Variants in FHL5 observed in about 807,000 individuals in gnomAD.
FHL5 encodes the protein four and a half LIM domains protein 5.
Under a neutral mutation model 32.0 loss-of-function variants are expected in FHL5, and 33 were observed. The observed-to-expected ratio is 1.03, with a 90% CI of 0.78 to 1.38. The LOEUF is 1.38. Ranked by LOEUF, FHL5 falls within the 40% of genes most tolerant of loss-of-function variation. The probability of loss-of-function intolerance (pLI) is 0.00; values close to 1 mark genes in which losing one functional copy is unlikely to be tolerated. For missense variants in FHL5, 336 were observed against 343.9 expected, an observed-to-expected ratio of 0.98 and a Z score of 0.18; for synonymous variants, 114 against 113.6, an observed-to-expected ratio of 1.00 and a Z score of -0.02.
chr6:96,564,322 G>T (rs1770307504), intron 1 of FHL5, among the ~76,000 whole-genome samples: 4 of 152,060 alleles, frequency 2.6e-5, no homozygotes, highest in Admixed American at 2.6e-4. Context: ...TATCATACAA[G>T]ATATTTCTTA....
chr6:96,614,946 A>G (rs1332492896), intron 5 of FHL5, among the ~76,000 whole-genome samples: 1 of 152,228 alleles, frequency 6.6e-6, no homozygotes, highest in Non-Finnish European at 1.5e-5. Flanking sequence ...GCCAGATTCA[A>G]CAAAAGCTGA....
intron 5 of FHL5, among the ~76,000 whole-genome samples, 195 bp downstream of exon 5, chr6:96,610,953 A>G (rs1249792470): frequency 3.9e-5 from 6 of 152,210 alleles, no homozygotes; most frequent in Non-Finnish European, 8.8e-5. Flanking sequence ...CAAGAGTATA[A>G]TTTGGGTGAC....
chr6:96,572,337 C>T (rs1376147833), intron 1 of FHL5, among the ~76,000 whole-genome samples: 1 of 152,110 alleles, frequency 6.6e-6, no homozygotes, highest in Non-Finnish European at 1.5e-5. Flanking sequence ...CTCTGAATAG[C>T]CAAGGTACTG....
At chr6:96,577,707 C>G (rs1562053344) in intron 1 of FHL5, among the ~76,000 whole-genome samples, 2 of 152,164 alleles carry the variant, frequency 1.3e-5, no homozygotes. Context: ...GCTTATGAAG[C>G]TGTTACTTGG....
chr6:96,602,267 G>A (rs1190922710), intron 1 of FHL5, among the ~76,000 whole-genome samples: 1 of 151,738 alleles, frequency 6.6e-6, no homozygotes, highest in Non-Finnish European at 1.5e-5. Flanking sequence ...TTATGTGGGG[G>A]GAGAATTAGA....
intron 1 of FHL5, among the ~76,000 whole-genome samples, chr6:96,574,080 C>T (rs973278450): frequency 2.0e-5 from 3 of 151,928 alleles, no homozygotes; most frequent in African/African-American, 7.3e-5. Flanking sequence ...TATTCTATTT[C>T]ACACTTTTTT....
At chr6:96,613,906 T>C (rs1771463721) in intron 5 of FHL5, among the ~76,000 whole-genome samples, 1 of 152,166 alleles carries the variant, frequency 6.6e-6, no homozygotes, top group African/African-American at 2.4e-5. Context: ...AGAATAGTAA[T>C]TGGCACACAG....
At chr6:96,566,595 G>T (rs1262148091) in intron 1 of FHL5, among the ~76,000 whole-genome samples, 1 of 151,686 alleles carries the variant, frequency 6.6e-6, no homozygotes, top group East Asian at 1.9e-4. Context: ...TCCATAATGG[G>T]CATATATATG....
chr6:96,591,489 G>A (rs985773168), intron 1 of FHL5, among the ~76,000 whole-genome samples: 9 of 151,998 alleles, frequency 5.9e-5, no homozygotes, highest in African/African-American at 9.7e-5. Flanking sequence ...TTATTTTAAC[G>A]TGGGTGGATG....
chr6:96,603,692 C>G lies in FHL5; in HGVS notation c.79C>G (p.Pro27Ala). 6.2e-7 allele frequency: 1 copy of G among 1,610,168 alleles called. No homozygotes were observed. Among genetic ancestry groups the G allele is most frequent in the Non-Finnish European group, 8.5e-7 (1 of 1,176,776 alleles). ...GKKYVLKDDS[P>A]YCVTCYDRVF... ...GAAATATGTACTAAAGGATGACAGT[C>G]CATACTGTGTTACATGTTATGATCG... is the stretch of plus-strand genomic sequence containing the variant. Residue 27 changes from proline (P) to alanine (A), a missense_variant, in exon 2 of 6, where the codon CCA (proline) becomes GCA (alanine). Physicochemically the swap from Pro to Ala is conservative, Grantham distance 27. Coordinates refer to ENST00000450218, the MANE Select transcript of FHL5 (RefSeq NM_001322466.2).
intron 1 of FHL5, among the ~76,000 whole-genome samples, chr6:96,601,616 A>G (rs1771150901): frequency 6.6e-6 from 1 of 152,234 alleles, no homozygotes. Context: ...AAAGCCTCAC[A>G]AAATGGCAGT....
intron 1 of FHL5, among the ~76,000 whole-genome samples, chr6:96,599,483 C>T (rs1771106895): frequency 6.6e-6 from 1 of 152,162 alleles, no homozygotes; most frequent in African/African-American, 2.4e-5. Context: ...GCGTGAGCCA[C>T]AGCACAGCCA....
At chr6:96,564,505 C>T (rs1355354774) in intron 1 of FHL5, among the ~76,000 whole-genome samples, 1 of 152,138 alleles carries the variant, frequency 6.6e-6, no homozygotes, top group African/African-American at 2.4e-5. Context: ...TTTAATATAA[C>T]ACCACCTCAC....
At chr6:96,605,015 C>G in intron 3 of FHL5, 91 bp downstream of exon 3, 1 of 924,596 alleles carries the variant, frequency 1.1e-6, no homozygotes, top group Non-Finnish European at 1.6e-6. Flanking sequence ...GCTCCCAAAA[C>G]CCTGGTTTTG....
At chr6:96,571,197 G>T (rs764599859) in intron 1 of FHL5, among the ~76,000 whole-genome samples, 54 of 152,222 alleles carry the variant, frequency 3.5e-4, no homozygotes, top group Admixed American at 1.4e-3. Context: ...AGTTAGAAAA[G>T]GTGTAGTGAC....
chr6:96,602,587 C>G (rs1022878802), intron 1 of FHL5, among the ~76,000 whole-genome samples: 3 of 151,820 alleles, frequency 2.0e-5, no homozygotes, highest in Admixed American at 2.0e-4. Flanking sequence ...GCTGGGACTA[C>G]AGGCTGTGCA....
Position 96,602,426 on chromosome 6 carries a change from C to CTTCTTTT in FHL5, c.-12-1174_-12-1173insCTTTTTT, listed in dbSNP as rs1771169396. On this transcript the variant is annotated intron_variant, in intron 1 of 5. Transcript: ENST00000450218. ...ACCTGGAAATCTATATGCGTTGTTT[C>CTTCTTTT]TTTTTTTTTTTTTTTTTTTTTTTTT... Among the ~76,000 whole-genome samples the CTTCTTTT allele has an allele frequency of 5.9e-5, 2 of 33,684 alleles. 1 individual carries two copies. Among genetic ancestry groups the CTTCTTTT allele is most frequent in the African/African-American group, 1.7e-4 (2 of 12,024 alleles). 22.1% of individuals were successfully genotyped at this position (33,684 alleles called of 152,430 possible).
chr6:96,615,711 T>C lies in FHL5; in HGVS notation c.794T>C (p.Leu265Pro). ...GTCTCCTTGGTGGGTAAAGGCTTCC[T>C]GACCCAGAACAAGGAAATCTTCTGC... ...CSVSLVGKGFLTQNKEIFCQK... is the reference protein window; with the variant it reads ...CSVSLVGKGFPTQNKEIFCQK... Residue 265 changes from leucine (L) to proline (P), a missense_variant, in exon 6 of 6, where the codon CTG becomes CCG. Coordinates refer to ENST00000450218, the MANE Select transcript of FHL5 (RefSeq NM_001322466.2). 6.2e-7 allele frequency: 1 copy of C among 1,612,808 alleles called. No homozygotes were observed. The highest frequency in any genetic ancestry group is 1.1e-5 in the South Asian group (1 of 90,690).
chr6:96,591,643 T>C (rs1184151289), intron 1 of FHL5, among the ~76,000 whole-genome samples: 1 of 152,172 alleles, frequency 6.6e-6, no homozygotes, highest in Admixed American at 6.5e-5. Flanking sequence ...GCTTCCTTTT[T>C]TTTCTGTTGA....
Sources: allele counts gnomAD v4.1 joint callset (sites outside exome capture counted in the v4.1 genomes callset), GRCh38; gene constraint gnomAD v4.1.1; transcripts MANE v1.5; gene names NCBI Gene and HGNC (gene_info 2026-07-23, HGNC 2026-07-21).